Variants in TPM1 observed in about 807,000 individuals in gnomAD.
TPM1 encodes the protein tropomyosin alpha-1 chain.
TPM1 carries 24 observed loss-of-function variants against 42.9 expected under a neutral mutation model. The observed-to-expected ratio is 0.56, with a 90% CI of 0.41 to 0.79. The LOEUF is 0.79. TPM1 is among the 30% of genes least tolerant of loss of function. The pLI is 0.00. For synonymous variants in TPM1, 136 were observed against 130.1 expected (o/e 1.05, Z -0.31); for missense variants, 158 against 351.8 (o/e 0.45, Z 4.41).
intron 4 of TPM1, 122 bp from the exon 5 acceptor site, chr15:63,060,747 G>A: frequency 9.4e-7 from 1 of 1,059,112 alleles, no homozygotes; most frequent in Non-Finnish European, 1.5e-6. Context: ...CCAGAAAGAG[G>A]ATCATATTGT....
At chr15:63,049,199 C>A in intron 2 of TPM1, 1 of 184,282 alleles carries the variant, frequency 5.4e-6, no homozygotes, top group South Asian at 8.1e-5. Flanking sequence ...CCCGTCGACC[C>A]TGTGGTTTCC....
chr15:63,064,359 C>T lies in TPM1; in HGVS notation c.851+217C>T, dbSNP rs978208796. ...TACAAACCATTTTCTTTTCAGAATC[C>T]GTTTATTTTGTAAACGCTGAACTAG... On this transcript the variant is annotated intron_variant, in intron 9 of 9. Coordinates refer to ENST00000403994, the MANE Select transcript of TPM1 (RefSeq NM_001018005.2). The T allele has an allele frequency of 1.1e-5, 15 of 1,420,322 alleles. No homozygotes were observed. The South Asian group carries it at 1.8e-4, about 17-fold the overall frequency. 88.0% of individuals were successfully genotyped at this position (1,420,322 alleles called of 1,614,324 possible).
intron 8 of TPM1, 143 bp from the exon 9 acceptor site, chr15:63,063,921 A>G (rs1472774742): frequency 2.4e-6 from 3 of 1,233,126 alleles, no homozygotes; most frequent in Non-Finnish European, 2.2e-6. Flanking sequence ...TGCATTGGCC[A>G]CCTGCTGCGG....
intron 5 of TPM1, 137 bp downstream of exon 5, chr15:63,061,076 C>T (rs2035552405): frequency 4.1e-6 from 6 of 1,456,244 alleles, no homozygotes; most frequent in South Asian, 2.3e-5. Flanking sequence ...GGATGAGCCA[C>T]GAGTATGGAA....
At chr15:63,067,794 CA>C (rs1419424798), downstream of TPM1, among the ~76,000 whole-genome samples, 1 of 152,198 alleles carries the variant, frequency 6.6e-6, no homozygotes, top group Non-Finnish European at 1.5e-5. Context: ...TGGGCCAAAC[CA>C]AAAGCATCAC....
intron 8 of TPM1, chr15:63,063,252 A>AG (rs1277547920): frequency 1.0e-6 from 1 of 985,326 alleles, no homozygotes; most frequent in Non-Finnish European, 1.2e-6. Context: ...GCTGTGAACA[A>AG]GAAAGAAAAA....
intron 2 of TPM1, chr15:63,048,253 C>T (rs1282263002): frequency 1.2e-5 from 6 of 514,766 alleles, no homozygotes; most frequent in Non-Finnish European, 2.2e-5. Context: ...CCCGGAGCGC[C>T]CAGCTCACCA....
intron 2 of TPM1, among the ~76,000 whole-genome samples, chr15:63,050,545 A>G (rs534306549): frequency 1.1e-3 from 174 of 152,374 alleles, no homozygotes; most frequent in Non-Finnish European, 2.0e-3. Flanking sequence ...CGTCGTTTTT[A>G]TAACAGAACT....
At chr15:63,061,085 A>G in intron 5 of TPM1, 146 bp downstream of exon 5, 1 of 1,445,324 alleles carries the variant, frequency 6.9e-7, no homozygotes, top group Non-Finnish European at 9.7e-7. Flanking sequence ...ACGAGTATGG[A>G]ACATGGAGGA....
At chr15:63,070,960 C>G, downstream of TPM1, 1 of 1,523,436 alleles carries the variant, frequency 6.6e-7, no homozygotes, top group Non-Finnish European at 8.8e-7. Flanking sequence ...TGAGTAATGT[C>G]TTACAAGCAT....
chr15:63,069,328 TTTC>T (rs2036468703), downstream of TPM1, among the ~76,000 whole-genome samples: 1 of 152,076 alleles, frequency 6.6e-6, no homozygotes, highest in African/African-American at 2.4e-5. Flanking sequence ...TTTCAAAAAA[TTTC>T]AGTGCAGCAA....
chr15:63,067,582 C>T (rs1296165374), downstream of TPM1, among the ~76,000 whole-genome samples: 1 of 152,142 alleles, frequency 6.6e-6, no homozygotes, highest in East Asian at 1.9e-4. Flanking sequence ...GACTTTCGCA[C>T]TTTCTATAAG....
rs142657113 is a variant in TPM1 at position 63,048,642 on chromosome 15, G to A, written c.240+4490G>A. The A allele has an allele frequency of 3.2e-5, 49 of 1,536,452 alleles. No homozygotes were observed. In the East Asian group the frequency reaches 1.2e-3, roughly 38 times the overall value. Reference sequence around the variant, plus strand: ...CCGGAGCCTGCAGGAGCAGGCGGACGCCGCTGAGGAGCGCGCGGGCACCCT... The same window carrying A: ...CCGGAGCCTGCAGGAGCAGGCGGACACCGCTGAGGAGCGCGCGGGCACCCT... On this transcript the variant is annotated intron_variant, in intron 2 of 9. Coordinates refer to ENST00000403994, the MANE Select transcript of TPM1 (RefSeq NM_001018005.2).
intron 2 of TPM1, among the ~76,000 whole-genome samples, chr15:63,051,901 T>G (rs919106946): frequency 3.1e-4 from 47 of 151,974 alleles, no homozygotes; most frequent in South Asian, 1.7e-3. Context: ...TTGTTTTTTT[T>G]TTTTTTTTTC....
At chr15:63,069,718 G>A, downstream of TPM1, 8 of 934,804 alleles carry the variant, frequency 8.6e-6, no homozygotes, top group Non-Finnish European at 8.4e-6. Flanking sequence ...CAGGACAGGT[G>A]ACTATGGGGT....
At position 63,062,223 on chromosome 15, in the gene TPM1, G is replaced by A. The variant is rs1407302155; in HGVS notation, c.648G>A (p.Gln216=). Residue 216 remains glutamine, a synonymous_variant, in exon 7 of 10, where the codon CAG becomes CAA. Transcript: ENST00000403994. ...SLEAQAEKYS[Q]KEDRYEEEIK... ...GCTCTTTCTAATTACAGTACTCGCA[G>A]AAGGAAGACAGATATGAGGAAGAGA... The A allele has an allele frequency of 8.1e-6, 13 of 1,614,082 alleles. No individual in the cohort carries two copies. Among genetic ancestry groups the A allele is most frequent in the Non-Finnish European group, 1.0e-5 (12 of 1,179,978 alleles).
At chr15:63,048,597 G>A (rs1182493579) in intron 2 of TPM1, 1 of 1,531,898 alleles carries the variant, frequency 6.5e-7, no homozygotes, top group East Asian at 2.5e-5. Flanking sequence ...TAGCTCGCTG[G>A]AGGCGGTGCG....
downstream of TPM1, among the ~76,000 whole-genome samples, chr15:63,068,467 T>A (rs1187892461): frequency 6.6e-6 from 1 of 152,206 alleles, no homozygotes; most frequent in Non-Finnish European, 1.5e-5. Flanking sequence ...CATCCTCCCA[T>A]GTCCTACCAT....
intron 1 of TPM1, 23 bp downstream of exon 1, chr15:63,042,966 G>A (rs1401593247): frequency 6.4e-7 from 1 of 1,570,320 alleles, no homozygotes; most frequent in African/African-American, 1.4e-5. Flanking sequence ...CCGGCCCTGC[G>A]CCCGCGCCCA....
Sources: gnomAD v4.1 joint callset for allele counts (sites outside exome capture counted in the v4.1 genomes callset) on GRCh38, gnomAD v4.1.1 for gene constraint, MANE v1.5 for transcripts, NCBI Gene and HGNC (gene_info 2026-07-23, HGNC 2026-07-21) for gene names.